The following PHLPP2 variants were observed in gnomAD, a reference collection of about 807,000 sequenced individuals.
PHLPP2 encodes the protein PH domain and leucine rich repeat protein phosphatase 2.
In PHLPP2, 66 loss-of-function variants were observed where a neutral mutation model predicts 124.9. That is an observed-to-expected ratio of 0.53 (90% CI 0.43 to 0.65). PHLPP2 has a LOEUF of 0.65. Ranked by LOEUF, PHLPP2 falls within the 30% of genes least tolerant of loss-of-function variation. The probability of loss-of-function intolerance (pLI) is 0.00; values close to 1 mark genes in which losing one functional copy is unlikely to be tolerated. For missense variants in PHLPP2, 1,685 were observed against 1,600.4 expected (o/e 1.05, Z -0.90); for synonymous variants, 681 against 624.7 (o/e 1.09, Z -1.34).
intron 12 of PHLPP2, among the ~76,000 whole-genome samples, chr16:71,664,732 C>T (rs572309088): frequency 6.6e-6 from 1 of 152,010 alleles, no homozygotes; most frequent in Admixed American, 6.5e-5. Flanking sequence ...AGCCTGGCAA[C>T]AGAGTGAGAC....
intron 3 of PHLPP2, 64 bp downstream of exon 3, chr16:71,702,534 G>T: frequency 2.2e-6 from 3 of 1,355,710 alleles, no homozygotes; most frequent in Admixed American, 1.9e-5. Context: ...GCTGACGGCA[G>T]ATAAGAGGCA....
At chr16:71,668,898 TATG>T (rs1324155702) in intron 11 of PHLPP2, among the ~76,000 whole-genome samples, 2 of 152,214 alleles carry the variant, frequency 1.3e-5, no homozygotes, top group Non-Finnish European at 2.9e-5. Flanking sequence ...CTATTAAATA[TATG>T]ATAAGGTTTT....
intron 9 of PHLPP2, among the ~76,000 whole-genome samples, chr16:71,673,369 G>C (rs1040217017): frequency 6.6e-6 from 1 of 152,178 alleles, no homozygotes; most frequent in African/African-American, 2.4e-5. Context: ...ATTCTGGTAG[G>C]TGTATAGTGG....
At chr16:71,711,160 T>C (rs1369461182) in intron 2 of PHLPP2, among the ~76,000 whole-genome samples, 1 of 151,756 alleles carries the variant, frequency 6.6e-6, no homozygotes, top group Non-Finnish European at 1.5e-5. Context: ...AGAAACCCCG[T>C]CTCTACTAAA....
At chr16:71,700,804 C>G (rs1037647918) in intron 3 of PHLPP2, among the ~76,000 whole-genome samples, 1 of 152,108 alleles carries the variant, frequency 6.6e-6, no homozygotes. Flanking sequence ...GGATTACAGG[C>G]GTGAGCCACC....
intron 4 of PHLPP2, among the ~76,000 whole-genome samples, 173 bp downstream of exon 4, chr16:71,690,346 G>C (rs2045097769): frequency 6.6e-6 from 1 of 152,184 alleles, no homozygotes; most frequent in African/African-American, 2.4e-5. Flanking sequence ...TTCTGCAACA[G>C]GATTTGGGGC....
chr16:71,672,559 A>G (rs560207405), intron 9 of PHLPP2, among the ~76,000 whole-genome samples: 1 of 152,370 alleles, frequency 6.6e-6, no homozygotes, highest in South Asian at 2.1e-4. Context: ...CCTTTATACA[A>G]TATTAAGCAG....
At chr16:71,668,952 C>T (rs1431740826) in intron 11 of PHLPP2, among the ~76,000 whole-genome samples, 1 of 152,180 alleles carries the variant, frequency 6.6e-6, no homozygotes. Flanking sequence ...GTTCTTAGAA[C>T]ATTGCTCAGC....
intron 5 of PHLPP2, among the ~76,000 whole-genome samples, chr16:71,684,056 T>C (rs2045029214): frequency 6.6e-6 from 1 of 151,662 alleles, no homozygotes; most frequent in Non-Finnish European, 1.5e-5. Flanking sequence ...CCTCCCAAAG[T>C]GCTAGGATTA....
At chr16:71,706,738 A>C (rs1050447870) in intron 2 of PHLPP2, among the ~76,000 whole-genome samples, 5 of 152,152 alleles carry the variant, frequency 3.3e-5, no homozygotes, top group Admixed American at 1.3e-4. Context: ...TAATGACATC[A>C]GGGTAGGAAC....
chr16:71,661,814 G>C (rs1438829501), intron 13 of PHLPP2, among the ~76,000 whole-genome samples: 2 of 151,690 alleles, frequency 1.3e-5, no homozygotes, highest in Non-Finnish European at 2.9e-5. Flanking sequence ...ACCTACACAA[G>C]TTTGTTTTGT....
rs774528822 is a variant in PHLPP2, at chr16:71,714,603, C to T, written c.193G>A (p.Val65Ile). The change falls in exon 2 of 19, where the codon GTC (valine) becomes ATC (isoleucine). Residue 65 changes from valine to isoleucine, a missense_variant. Physicochemically the swap from Val to Ile is conservative, Grantham distance 29 (BLOSUM62 3). Transcript: ENST00000568954. ...SSSSSSDLHL[V>I]LCTVETPASE... is the part of the protein sequence containing the mutation. ...GCTGGTGTCTCTACAGTGCAAAGGA[C>T]GAGATGTAAGTCAGAGGAAGAGGAG... 16 of 1,613,784 alleles carry T rather than the reference C, an allele frequency of 9.9e-6. No homozygotes were observed. The East Asian group carries it at 1.3e-4, about 13-fold the overall frequency.
At position 71,649,482 on chromosome 16, in the gene PHLPP2, C is replaced by G. The variant is rs769323743; in HGVS notation, c.3380G>C (p.Gly1127Ala). Residue 1127 changes from glycine (G) to alanine (A), a missense_variant, in exon 19 of 19, where the codon GGG becomes GCG. Gly to Ala is a moderately conservative substitution (Grantham distance 60, BLOSUM62 0). Coordinates refer to ENST00000568954, the MANE Select transcript of PHLPP2 (RefSeq NM_015020.3). The stretch of plus-strand genomic sequence containing the variant: ...AGAAGAAGGCTGGCGCTGAAACAGC[C>G]CAGAGGTGGGTGTTGGGTGGAGGCT... ...RCSLHPTPTS[G>A]LFQRQPSSAT... 3 of 1,613,972 alleles carry G rather than the reference C, an allele frequency of 1.9e-6. No individual in the cohort carries two copies. In the East Asian group the frequency reaches 6.7e-5, roughly 36 times the overall value.
chr16:71,683,100 G>C (rs1458189926), intron 5 of PHLPP2, among the ~76,000 whole-genome samples: 1 of 151,894 alleles, frequency 6.6e-6, no homozygotes, highest in African/African-American at 2.4e-5. Context: ...GAACCCAGGA[G>C]ACAAAGGTTG....
chr16:71,669,879 A>T (rs887795344), intron 10 of PHLPP2, among the ~76,000 whole-genome samples: 1 of 152,240 alleles, frequency 6.6e-6, no homozygotes, highest in Non-Finnish European at 1.5e-5. Flanking sequence ...CACTAGGCAG[A>T]TATTTAGTCA....
At chr16:71,676,827 C>A in intron 8 of PHLPP2, 178 bp from the exon 9 acceptor site, 2 of 572,510 alleles carry the variant, frequency 3.5e-6, no homozygotes, top group South Asian at 2.0e-5. Flanking sequence ...CGGTTCACTG[C>A]AACCTCTGCC....
chr16:71,717,805 C>T (rs2045373088), intron 1 of PHLPP2, among the ~76,000 whole-genome samples: 1 of 152,098 alleles, frequency 6.6e-6, no homozygotes, highest in Non-Finnish European at 1.5e-5. Context: ...TTCACACAAA[C>T]AAAAAAGTCG....
intron 13 of PHLPP2, among the ~76,000 whole-genome samples, chr16:71,659,546 C>T (rs533622210): frequency 3.9e-5 from 6 of 152,250 alleles, no homozygotes; most frequent in South Asian, 2.1e-4. Flanking sequence ...CCACCGCACC[C>T]GGCCCATCAC....
intron 3 of PHLPP2, among the ~76,000 whole-genome samples, chr16:71,694,187 G>A (rs1392539939): frequency 7.2e-6 from 1 of 139,412 alleles, no homozygotes; most frequent in Admixed American, 7.5e-5. Flanking sequence ...GAGCAATACT[G>A]TCTCAAAAAT....
Sources: gnomAD v4.1 joint callset for allele counts (sites outside exome capture counted in the v4.1 genomes callset) on GRCh38, gnomAD v4.1.1 for gene constraint, MANE v1.5 for transcripts, NCBI Gene and HGNC (gene_info 2026-07-23, HGNC 2026-07-21) for gene names.